Variants in ARHGEF18 observed in about 807,000 individuals in gnomAD.
The protein encoded by ARHGEF18 is Rho/Rac guanine nucleotide exchange factor 18.
ARHGEF18 carries 93 observed loss-of-function variants against 155.7 expected under a neutral mutation model. That is an observed-to-expected ratio of 0.60 (90% CI 0.50 to 0.71). The LOEUF (loss-of-function observed/expected upper bound fraction) is 0.71. Among genes scored for constraint, ARHGEF18 ranks in the 30% least tolerant of loss-of-function variants. The pLI is 0.00. For synonymous variants in ARHGEF18, 742 were observed against 753.1 expected (o/e 0.99, Z 0.24); for missense variants, 1,593 against 1,816.1 (o/e 0.88, Z 2.23).
rs373210229 is a variant in ARHGEF18 at position 7,395,811 on chromosome 19, G to C, written c.967+12608G>C. 3.3e-5 allele frequency among the ~76,000 whole-genome samples: 5 copies of C among 152,242 alleles called. No individual in the cohort carries two copies. The East Asian group carries it at 9.7e-4, about 29-fold the overall frequency. ...GGACGGGAACGAGAAGCTTTCCCCTGGTCCTTACATGTTTCGTTTTGTTTT... is the reference window on the plus strand; with the variant it reads ...GGACGGGAACGAGAAGCTTTCCCCTCGTCCTTACATGTTTCGTTTTGTTTT... On this transcript the variant is annotated intron_variant, in intron 10 of 28. Transcript: ENST00000668164. This position sits in a 1 kb window ranked among gnomAD's most constrained non-coding sequence, Gnocchi z 5.0.
In ARHGEF18 at chr19:7,444,795, A is replaced by G. The variant is rs748300619; in HGVS notation, c.1611+341A>G. Among the ~76,000 whole-genome samples, 2 of 152,104 alleles carry G rather than the reference A, an allele frequency of 1.3e-5. No homozygotes were observed. Among genetic ancestry groups the G allele is most frequent in the Non-Finnish European group, 2.9e-5 (2 of 68,006 alleles). Reference sequence around the variant, plus strand: ...CGTAGCTGGGACTCCAGGGAACACCATGCCTGGCTAACTTTTTATTTTTTG... The same window carrying G: ...CGTAGCTGGGACTCCAGGGAACACCGTGCCTGGCTAACTTTTTATTTTTTG... On this transcript the variant is annotated intron_variant, in intron 14 of 28. Transcript: ENST00000668164. The surrounding 1 kb of genome is among the most constrained non-coding windows in gnomAD (Gnocchi z 4.7).
intron 1 of ARHGEF18, among the ~76,000 whole-genome samples, chr19:7,360,920 A>C (rs2145335968): frequency 6.6e-6 from 1 of 152,306 alleles, no homozygotes; most frequent in African/African-American, 2.4e-5. Context: ...CCTGGAAAGC[A>C]GTGATGGTGG....
chr19:7,379,061 G>GGA, intron 6 of ARHGEF18, 61 bp from the exon 7 acceptor site: 3 of 1,225,812 alleles, frequency 2.4e-6, no homozygotes, highest in Non-Finnish European at 3.1e-6. Context: ...CTTATCTAGG[G>GGA]GAGAGTGTCT....
chr19:7,467,468 G>A lies in ARHGEF18; in HGVS notation c.3264G>A (p.Leu1088=), dbSNP rs2145911689. 2 of 1,491,064 alleles carry A rather than the reference G, an allele frequency of 1.3e-6. No individual in the cohort carries two copies. Among genetic ancestry groups the A allele is most frequent in the African/African-American group, 1.4e-5 (1 of 69,888 alleles). 92.4% of individuals were successfully genotyped at this position (1,491,064 alleles called of 1,614,324 possible). A position where few individuals can be genotyped will look rare whatever the true frequency, so the allele number is the denominator to read the frequency against. The change falls in exon 26 of 29, where the codon CTG becomes CTA. Residue 1088 remains leucine (L), a synonymous_variant. Coordinates refer to ENST00000668164, the MANE Select transcript of ARHGEF18 (RefSeq NM_001367823.1). ...HQELERAGAR[L]QEREGEARQL... ...AGCTGGAGCGTGCGGGCGCGCGGCTGCAGGAGCGCGAGGGCGAGGCGCGGC... is the reference window on the plus strand; with the variant it reads ...AGCTGGAGCGTGCGGGCGCGCGGCTACAGGAGCGCGAGGGCGAGGCGCGGC...
chr19:7,375,424 A>AGAAGGAAGG (rs1970413462), intron 3 of ARHGEF18, among the ~76,000 whole-genome samples: 1 of 150,902 alleles, frequency 6.6e-6, no homozygotes, highest in Admixed American at 6.6e-5. Flanking sequence ...AGGAAGGAAG[A>AGAAGGAAGG]AAGGAAGGAA....
chr19:7,466,838 A>AAG, intron 23 of ARHGEF18, 80 bp from the exon 24 acceptor site: 3 of 1,122,402 alleles, frequency 2.7e-6, no homozygotes, highest in Non-Finnish European at 3.8e-6. Flanking sequence ...TTAAAAAAAA[A>AAG]GAAGAAGAAG....
Position 7,407,983 on chromosome 19 carries a change from A to AAAAAAAAAAAAAAAC in ARHGEF18, c.967+24784_967+24785insAAAAAAAAAACAAAA, listed in dbSNP as rs1555711562. Reference sequence around the variant, plus strand: ...TCTCAAAAAAAAAAAAAAAAAAAAAAAAAAGAGGTAGTAGGCTGGGTGCAG... The same window carrying AAAAAAAAAAAAAAAC: ...TCTCAAAAAAAAAAAAAAAAAAAAAAAAAAAAAAAAAAAACAAAAGAGGTAGTAGGCTGGGTGCAG... On this transcript the variant is annotated intron_variant, in intron 10 of 28. Transcript: ENST00000668164. Among the ~76,000 whole-genome samples, 106 of 141,956 alleles carry AAAAAAAAAAAAAAAC rather than the reference A, an allele frequency of 7.5e-4. 7 individuals carry two copies. Among genetic ancestry groups the AAAAAAAAAAAAAAAC allele is most frequent in the African/African-American group, 2.8e-3 (92 of 32,818 alleles). 93.1% of individuals were successfully genotyped at this position (141,956 alleles called of 152,430 possible).
At chr19:7,379,707 C>A (rs1375373857) in intron 7 of ARHGEF18, among the ~76,000 whole-genome samples, 4 of 152,114 alleles carry the variant, frequency 2.6e-5, no homozygotes, top group Non-Finnish European at 5.9e-5. Flanking sequence ...GTGCCTCCTG[C>A]CTAAGACACT....
chr19:7,473,194 G>C (rs1399232152), downstream of ARHGEF18: 1 of 456,236 alleles, frequency 2.2e-6, no homozygotes, highest in Non-Finnish European at 4.4e-6. Context: ...CCGGTCCAGT[G>C]AGGCGAGGAC....
At chr19:7,404,279 G>A (rs1343645494) in intron 10 of ARHGEF18, among the ~76,000 whole-genome samples, 3 of 152,206 alleles carry the variant, frequency 2.0e-5, no homozygotes, top group Non-Finnish European at 2.9e-5. Context: ...TCCCTTCCCT[G>A]TCCTGGCTCC....
intron 10 of ARHGEF18, chr19:7,439,584 G>C: frequency 1.3e-6 from 1 of 742,866 alleles, no homozygotes; most frequent in Non-Finnish European, 1.7e-6. Context: ...TGCAGCCCCT[G>C]TTGATGTTGG....
At chr19:7,402,942 G>A (rs1442156852) in intron 10 of ARHGEF18, among the ~76,000 whole-genome samples, 2 of 152,140 alleles carry the variant, frequency 1.3e-5, no homozygotes, top group African/African-American at 4.8e-5. Flanking sequence ...TTATATTATA[G>A]CAAATTTAAA....
chr19:7,453,695 C>A lies in ARHGEF18; in HGVS notation c.2084C>A (p.Thr695Asn). The A allele has an allele frequency of 6.3e-7, 1 of 1,582,730 alleles. No homozygotes were observed. Among genetic ancestry groups the A allele is most frequent in the Admixed American group, 1.8e-5 (1 of 57,120 alleles). Residue 695 changes from threonine (T) to asparagine (N), a missense_variant, in exon 17 of 29, where the codon ACC (threonine) becomes AAC (asparagine). Physicochemically the swap from Thr to Asn is moderately conservative, Grantham distance 65 (BLOSUM62 0). Transcript: ENST00000668164. ...CTGGAGGGCATGCTATGCTGGAAGA[C>A]CACATCAGGGCGCTTGAAAGGTAAA... Reference protein sequence around the residue: ...LHLEGMLCWKTTSGRLKDILA... With the variant: ...LHLEGMLCWKNTSGRLKDILA...
chr19:7,428,604 G>C (rs946827864), intron 10 of ARHGEF18, among the ~76,000 whole-genome samples: 5 of 152,122 alleles, frequency 3.3e-5, no homozygotes, highest in African/African-American at 1.2e-4. Context: ...TGGTTCAGAA[G>C]GCTGAGGCAG....
At chr19:7,434,285 G>A (rs559718042) in intron 10 of ARHGEF18, among the ~76,000 whole-genome samples, 27 of 152,154 alleles carry the variant, frequency 1.8e-4, no homozygotes, top group African/African-American at 6.3e-4. Flanking sequence ...CACTGTGCCT[G>A]GCCAGGGACT....
In ARHGEF18 at chr19:7,451,187, G is replaced by C; in HGVS notation, c.1776G>C (p.Val592=). 6.4e-7 allele frequency: 1 copy of C among 1,569,008 alleles called. No individual in the cohort carries two copies. The highest frequency in any genetic ancestry group is 8.6e-7 in the Non-Finnish European group (1 of 1,161,428). The part of the protein sequence containing the change: ...GNFSIVRRLG[V]QECILLVTQR... ...TCTCCATCGTGCGGCGGCTTGGCGT[G>C]CAGGAGTGCATTCTCCTGGTTACAC... The change falls in exon 16 of 29, where the codon GTG becomes GTC. Residue 592 remains valine, a synonymous_variant. Coordinates refer to ENST00000668164, the MANE Select transcript of ARHGEF18 (RefSeq NM_001367823.1).
rs183322563 is a variant in ARHGEF18, at chr19:7,464,280, C to T, written c.2774-280C>T. Among the ~76,000 whole-genome samples the T allele has an allele frequency of 3.6e-3, 546 of 152,254 alleles. 2 individuals are homozygous for T. Among genetic ancestry groups the T allele is most frequent in the Non-Finnish European group, 4.0e-3 (272 of 68,014 alleles). On this transcript the variant is annotated intron_variant, in intron 22 of 28. Transcript: ENST00000668164. ...CTCGAACTCCTGACTTCAGGTGATCCGCCCGCCTCAGCCTCCCAAAGTGCT... is the reference window on the plus strand; with the variant it reads ...CTCGAACTCCTGACTTCAGGTGATCTGCCCGCCTCAGCCTCCCAAAGTGCT...
rs750893023 is a variant in ARHGEF18, at chr19:7,441,740, A to G, written c.1194A>G (p.Pro398=). 6.8e-6 allele frequency: 11 copies of G among 1,614,086 alleles called. No individual in the cohort carries two copies. In the East Asian group the frequency reaches 8.9e-5, roughly 13 times the overall value. ...TADDSLSLTS[P]NTESIFVEDP... is the part of the protein sequence containing the mutation. ...ATGACTCTCTGTCCCTTACATCTCCAAACACCGAGTCCATTTTTGTAGAAG... is the reference window on the plus strand; with the variant it reads ...ATGACTCTCTGTCCCTTACATCTCCGAACACCGAGTCCATTTTTGTAGAAG... The change falls in exon 12 of 29, where the codon CCA becomes CCG. Residue 398 remains proline, a synonymous_variant. Transcript: ENST00000668164.
rs1021717449 is a variant in ARHGEF18 at position 7,463,476 on chromosome 19, C to G, written c.2636-342C>G. Among the ~76,000 whole-genome samples the G allele has an allele frequency of 2.2e-4, 34 of 152,336 alleles. No homozygotes were observed. The highest frequency in any genetic ancestry group is 2.9e-4 in the Non-Finnish European group (20 of 68,028). The stretch of plus-strand genomic sequence containing the variant: ...TTGTCATATAACACACCAAGTGTTT[C>G]CTGCTGGCCCTGGGCAGGGCCACAT... On this transcript the variant is annotated intron_variant, in intron 21 of 28. Coordinates refer to ENST00000668164, the MANE Select transcript of ARHGEF18 (RefSeq NM_001367823.1). This position sits in a 1 kb window ranked among gnomAD's most constrained non-coding sequence, Gnocchi z 5.2.
Sources: gnomAD v4.1 joint callset for allele counts (sites outside exome capture counted in the v4.1 genomes callset) on GRCh38, gnomAD v4.1.1 for gene constraint, Gnocchi (gnomAD v3.1) non-coding constraint, MANE v1.5 for transcripts, NCBI Gene and HGNC (gene_info 2026-07-23, HGNC 2026-07-21) for gene names.